The following CAMTA1 variants were observed in gnomAD, a reference collection of about 807,000 sequenced individuals.
The protein encoded by CAMTA1 is calmodulin binding transcription activator 1, also known as calmodulin-binding transcription activator 1.
CAMTA1 carries 27 observed loss-of-function variants against 170.9 expected under a neutral mutation model. That is an observed-to-expected ratio of 0.16 (90% CI 0.12 to 0.22). The LOEUF is 0.22. Among genes scored for constraint, CAMTA1 ranks in the 10% least tolerant of loss-of-function variants. CAMTA1 has a pLI of 1.00. For synonymous variants in CAMTA1, 833 were observed against 891.5 expected (o/e 0.93, Z 1.17); for missense variants, 1,619 against 2,217.2 (o/e 0.73, Z 5.42).
chr1:7,728,589 C>CAAGTCAT (rs2096708869), intron 11 of CAMTA1, among the ~76,000 whole-genome samples: 1 of 152,168 alleles, frequency 6.6e-6, no homozygotes, highest in Admixed American at 6.5e-5. Context: ...AAAATTCAGT[C>CAAGTCAT]AAGTCATTTC....
At chr1:7,410,253 G>A (rs550873855) in intron 5 of CAMTA1, among the ~76,000 whole-genome samples, 2 of 152,356 alleles carry the variant, frequency 1.3e-5, no homozygotes, top group Non-Finnish European at 2.9e-5. Flanking sequence ...GACAGAATGG[G>A]GAAGAAAGAA....
At position 7,467,989 on chromosome 1, in the gene CAMTA1, G is replaced by A. The variant is rs911843477; in HGVS notation, c.510+88G>A. The A allele has an allele frequency of 2.4e-5, 26 of 1,091,350 alleles. 1 individual carries two copies. The highest frequency in any genetic ancestry group is 2.1e-4 in the Middle Eastern group (1 of 4,664). The allele number at this position is 1,091,350 out of a possible 1,614,324, so 67.6% of individuals were successfully genotyped here. On this transcript the variant is annotated intron_variant, in intron 6 of 22. Coordinates refer to ENST00000303635, the MANE Select transcript of CAMTA1 (RefSeq NM_015215.4). Reference sequence around the variant, plus strand: ...ACTGAGGGCGCGGGGCTCCGCATGCGACACGGCTTCGGGCTGAGAGCCCTG... The same window carrying A: ...ACTGAGGGCGCGGGGCTCCGCATGCAACACGGCTTCGGGCTGAGAGCCCTG...
intron 11 of CAMTA1, among the ~76,000 whole-genome samples, chr1:7,710,641 G>T (rs1368866614): frequency 4.6e-5 from 7 of 150,932 alleles, no homozygotes; most frequent in African/African-American, 1.5e-4. Context: ...TGACTCTTAG[G>T]AAGTCCAGAA....
At chr1:7,414,249 G>A (rs2149275510) in intron 5 of CAMTA1, among the ~76,000 whole-genome samples, 1 of 152,296 alleles carries the variant, frequency 6.6e-6, no homozygotes, top group East Asian at 1.9e-4. Context: ...CCAGGCTTTG[G>A]TATCAGGATG....
chr1:6,962,228 G>A (rs1403379452), intron 3 of CAMTA1, among the ~76,000 whole-genome samples: 1 of 152,182 alleles, frequency 6.6e-6, no homozygotes, highest in African/African-American at 2.4e-5. Context: ...AGGTGACGCT[G>A]TGTCCCCGGC....
intron 5 of CAMTA1, among the ~76,000 whole-genome samples, chr1:7,448,017 C>T (rs1179769580): frequency 6.6e-6 from 1 of 152,246 alleles, no homozygotes; most frequent in Non-Finnish European, 1.5e-5. Context: ...CTGCCCATGT[C>T]ACTGAGTCCT....
At chr1:7,497,394 C>G (rs2093847010) in intron 6 of CAMTA1, among the ~76,000 whole-genome samples, 1 of 152,208 alleles carries the variant, frequency 6.6e-6, no homozygotes, top group South Asian at 2.1e-4. Context: ...AGCCTATACC[C>G]TGGCTGAAAT....
In CAMTA1 at chr1:7,609,164, G is replaced by T. The variant is rs1352758823; in HGVS notation, c.511-31236G>T. Among the ~76,000 whole-genome samples the T allele has an allele frequency of 1.3e-5, 2 of 152,118 alleles. No individual in the cohort carries two copies. The highest frequency in any genetic ancestry group is 2.9e-5 in the Non-Finnish European group (2 of 68,008). On this transcript the variant is annotated intron_variant, in intron 6 of 22. Coordinates refer to ENST00000303635, the MANE Select transcript of CAMTA1 (RefSeq NM_015215.4). The surrounding 1 kb of genome is among the most constrained non-coding windows in gnomAD (Gnocchi z 4.4). ...GGCCTAGCCCTGCCGCCTGTGCCTT[G>T]CCTCCTGGCCTCCTAGCCACAGACA...
intron 3 of CAMTA1, among the ~76,000 whole-genome samples, chr1:6,974,239 C>T (rs756388697): frequency 6.6e-6 from 1 of 152,138 alleles, no homozygotes; most frequent in African/African-American, 2.4e-5. Context: ...AACCCGGAGT[C>T]GGAGAATCCA....
At chr1:7,245,175 CAA>C (rs1235086864) in intron 4 of CAMTA1, among the ~76,000 whole-genome samples, 69 of 118,382 alleles carry the variant, frequency 5.8e-4, no homozygotes, top group African/African-American at 2.2e-3. Flanking sequence ...ATTATTTAGC[CAA>C]GATATATATA....
chr1:7,242,842 G>T (rs1480293211), intron 4 of CAMTA1, among the ~76,000 whole-genome samples: 1 of 151,880 alleles, frequency 6.6e-6, no homozygotes, highest in African/African-American at 2.4e-5. Flanking sequence ...GGCGCCTATA[G>T]TCCCAGCTAC....
intron 4 of CAMTA1, among the ~76,000 whole-genome samples, chr1:7,198,275 T>C (rs1345444322): frequency 6.6e-6 from 1 of 151,930 alleles, no homozygotes; most frequent in African/African-American, 2.4e-5. Flanking sequence ...GACCCTGCAT[T>C]TGGAGGCCTG....
chr1:7,003,281 C>T (rs888866763), intron 3 of CAMTA1, among the ~76,000 whole-genome samples: 6 of 152,328 alleles, frequency 3.9e-5, no homozygotes, highest in East Asian at 1.9e-4. Context: ...CCACCACTAC[C>T]GCAGTTTCTG....
At position 7,506,822 on chromosome 1, in the gene CAMTA1, A is replaced by G. The variant is rs1250943286; in HGVS notation, c.510+38921A>G. On this transcript the variant is annotated intron_variant, in intron 6 of 22. Transcript: ENST00000303635. ...ATTCACATTAACATGCTCACACAGAACTACACCCATGCTTACACTCAAAAA... is the reference window on the plus strand; with the variant it reads ...ATTCACATTAACATGCTCACACAGAGCTACACCCATGCTTACACTCAAAAA... Among the ~76,000 whole-genome samples the G allele has an allele frequency of 4.0e-5, 6 of 151,718 alleles. No homozygotes were observed. The East Asian group carries it at 1.2e-3, about 29-fold the overall frequency.
At chr1:7,410,668 GA>G (rs2090645198) in intron 5 of CAMTA1, among the ~76,000 whole-genome samples, 1 of 152,222 alleles carries the variant, frequency 6.6e-6, no homozygotes, top group South Asian at 2.1e-4. Flanking sequence ...AAGAACTCGT[GA>G]CCTGAGAGTC....
At chr1:7,086,090 C>G (rs530126617) in intron 3 of CAMTA1, among the ~76,000 whole-genome samples, 32 of 152,280 alleles carry the variant, frequency 2.1e-4, no homozygotes, top group African/African-American at 7.5e-4. Context: ...AAAGCCCCTG[C>G]AGCACATAGA....
chr1:6,831,538 C>G (rs1557652563), intron 3 of CAMTA1, among the ~76,000 whole-genome samples: 1 of 152,178 alleles, frequency 6.6e-6, no homozygotes, highest in Non-Finnish European at 1.5e-5. Flanking sequence ...TACTGCATTC[C>G]CTAGTCTCTG....
At chr1:7,676,590 G>C (rs1049500244) in intron 10 of CAMTA1, among the ~76,000 whole-genome samples, 1 of 152,226 alleles carries the variant, frequency 6.6e-6, no homozygotes, top group African/African-American at 2.4e-5. Context: ...TGAAAACCAA[G>C]GGCCCACACA....
chr1:6,836,746 T>G (rs890594391), intron 3 of CAMTA1, among the ~76,000 whole-genome samples: 2 of 152,094 alleles, frequency 1.3e-5, no homozygotes, highest in East Asian at 3.9e-4. Context: ...AAATAAAGGC[T>G]CTCATGTGCA....
Sources: gnomAD v4.1 joint callset for allele counts (sites outside exome capture counted in the v4.1 genomes callset) on GRCh38, gnomAD v4.1.1 for gene constraint, Gnocchi (gnomAD v3.1) non-coding constraint, MANE v1.5 for transcripts, NCBI Gene and HGNC (gene_info 2026-07-23, HGNC 2026-07-21) for gene names.